The following PCDHGA3 variants were observed in gnomAD, a reference collection of about 807,000 sequenced individuals.
PCDHGA3 encodes the protein protocadherin gamma-A3.
Under a neutral mutation model 58.5 loss-of-function variants are expected in PCDHGA3, and 40 were observed. The observed-to-expected ratio is 0.68, with a 90% confidence interval of 0.53 to 0.89. PCDHGA3 has a LOEUF of 0.89. PCDHGA3 is among the 40% of genes least tolerant of loss of function. The pLI, the probability that PCDHGA3 is intolerant of heterozygous loss-of-function variation, is 0.00. For synonymous variants in PCDHGA3, 530 were observed against 525.7 expected (o/e 1.01, Z -0.11); for missense variants, 1,223 against 1,195.9 (o/e 1.02, Z -0.33).
Position 141,368,993 on chromosome 5 carries a change from G to A in PCDHGA3, c.2424+22536G>A, listed in dbSNP as rs968608216. Among the ~76,000 whole-genome samples, 4 of 152,098 alleles carry A rather than the reference G, an allele frequency of 2.6e-5. No homozygotes were observed. The East Asian group carries it at 5.8e-4, about 22-fold the overall frequency. Reference sequence around the variant, plus strand: ...TGCTTTTCCACTATAAGGTGAATTCGGTGTGGAACTCATTGCTTATTGCTG... The same window carrying A: ...TGCTTTTCCACTATAAGGTGAATTCAGTGTGGAACTCATTGCTTATTGCTG... On this transcript the variant is annotated intron_variant, in intron 1 of 3. Transcript: ENST00000253812.
intron 1 of PCDHGA3, chr5:141,422,576 CTCCCGTTTT>C: frequency 6.2e-7 from 1 of 1,614,034 alleles, no homozygotes; most frequent in African/African-American, 1.3e-5. Context: ...AACGATAACC[CTCCCGTTTT>C]TCCTCACTCC....
intron 1 of PCDHGA3, chr5:141,364,604 C>A (rs370007558): frequency 1.9e-6 from 3 of 1,614,162 alleles, no homozygotes; most frequent in Non-Finnish European, 2.5e-6. Context: ...CAGGATAGAC[C>A]GGGAGGAGCT....
chr5:141,402,770 G>A (rs1381501918), intron 1 of PCDHGA3, among the ~76,000 whole-genome samples: 1 of 152,154 alleles, frequency 6.6e-6, no homozygotes, highest in Non-Finnish European at 1.5e-5. Context: ...GACTCCATCC[G>A]GATTTCCAGT....
intron 1 of PCDHGA3, chr5:141,412,954 C>A (rs2095592297): frequency 2.1e-6 from 1 of 482,442 alleles, no homozygotes; most frequent in Non-Finnish European, 3.6e-6. Flanking sequence ...CGCCGCTGTT[C>A]ACCTACTAGG....
chr5:141,470,742 G>T (rs2099238719), intron 1 of PCDHGA3, among the ~76,000 whole-genome samples: 1 of 152,066 alleles, frequency 6.6e-6, no homozygotes, highest in African/African-American at 2.4e-5. Flanking sequence ...CTGTCGCCCT[G>T]GCTGGAGTGC....
chr5:141,352,600 T>G (rs776882485), intron 1 of PCDHGA3: 31 of 1,613,700 alleles, frequency 1.9e-5, no homozygotes, highest in Non-Finnish European at 2.5e-5. Flanking sequence ...TGTGTGATGA[T>G]CCTTCTATGG....
intron 1 of PCDHGA3, chr5:141,426,739 GC>G (rs1345744337): frequency 8.8e-6 from 4 of 453,408 alleles, no homozygotes; most frequent in Non-Finnish European, 1.8e-5. Flanking sequence ...ATTCGGTTTG[GC>G]CTGGAATCTG....
rs570379716 is a variant in PCDHGA3 at position 141,452,090 on chromosome 5, G to A, written c.2425-42717G>A. Among the ~76,000 whole-genome samples, 3 of 152,256 alleles carry A rather than the reference G, an allele frequency of 2.0e-5. No individual in the cohort carries two copies. The South Asian group carries it at 6.2e-4, about 32-fold the overall frequency. On this transcript the variant is annotated intron_variant, in intron 1 of 3. Coordinates refer to ENST00000253812, the MANE Select transcript of PCDHGA3 (RefSeq NM_018916.4). The stretch of plus-strand genomic sequence containing the variant: ...TTTATTAGTTGGCATTATACAGTAA[G>A]AAAGAGCTTTCTTTTCTCTTCTTAT...
intron 1 of PCDHGA3, chr5:141,364,103 C>G: frequency 2.4e-6 from 1 of 411,126 alleles, no homozygotes; most frequent in East Asian, 3.6e-5. Flanking sequence ...GATGCAGTCA[C>G]TGGTTAGGAC....
intron 1 of PCDHGA3, chr5:141,404,914 C>T (rs1423848318): frequency 1.2e-6 from 2 of 1,613,948 alleles, no homozygotes; most frequent in Non-Finnish European, 1.7e-6. Flanking sequence ...AGCCCCCTCT[C>T]TCGGCCACTG....
intron 1 of PCDHGA3, among the ~76,000 whole-genome samples, chr5:141,454,170 G>A (rs2098782662): frequency 6.6e-6 from 1 of 152,162 alleles, no homozygotes; most frequent in Admixed American, 6.5e-5. Context: ...TCTCTAGAAG[G>A]GCAGCTAAAG....
chr5:141,509,550 T>C (rs1562240751), intron 3 of PCDHGA3, among the ~76,000 whole-genome samples: 1 of 152,142 alleles, frequency 6.6e-6, no homozygotes, highest in Non-Finnish European at 1.5e-5. Flanking sequence ...TCTCATTTAG[T>C]CCTCACAGCA....
In PCDHGA3 at chr5:141,458,391, C is replaced by G. The variant is rs534396279; in HGVS notation, c.2425-36416C>G. 5.9e-5 allele frequency among the ~76,000 whole-genome samples: 9 copies of G among 152,126 alleles called. No homozygotes were observed. In the South Asian group the frequency reaches 1.0e-3, roughly 18 times the overall value. ...GGAGAAGAGAGAAGGAAGACGCTCCCCCTTGCAGAGACGGAGCGGGGGTTC... is the reference window on the plus strand; with the variant it reads ...GGAGAAGAGAGAAGGAAGACGCTCCGCCTTGCAGAGACGGAGCGGGGGTTC... On this transcript the variant is annotated intron_variant, in intron 1 of 3. Coordinates refer to ENST00000253812, the MANE Select transcript of PCDHGA3 (RefSeq NM_018916.4).
At chr5:141,370,997 C>G in intron 1 of PCDHGA3, 5 of 1,613,984 alleles carry the variant, frequency 3.1e-6, no homozygotes, top group Non-Finnish European at 4.2e-6. Context: ...CACCCCTGGA[C>G]AGGGAAGAGC....
At chr5:141,427,712 C>CCTGG (rs1319672065) in intron 1 of PCDHGA3, 7 of 1,051,350 alleles carry the variant, frequency 6.7e-6, no homozygotes, top group Non-Finnish European at 1.0e-5. Context: ...GCGCCTCTGA[C>CCTGG]CTGGACCTAG....
In PCDHGA3 at chr5:141,419,475, C is replaced by T. The variant is rs775720158; in HGVS notation, c.2424+73018C>T. On this transcript the variant is annotated intron_variant, in intron 1 of 3. Coordinates refer to ENST00000253812, the MANE Select transcript of PCDHGA3 (RefSeq NM_018916.4). Reference sequence around the variant, plus strand: ...ACGCTGCAGGCCCGCGACCAGGGCTCGCCCGCGCTCAGCGCCAATGTGAGC... The same window carrying T: ...ACGCTGCAGGCCCGCGACCAGGGCTTGCCCGCGCTCAGCGCCAATGTGAGC... The T allele has an allele frequency of 4.6e-5, 74 of 1,612,266 alleles. No homozygotes were observed. The highest frequency in any genetic ancestry group is 5.9e-5 in the Non-Finnish European group (70 of 1,179,514).
intron 1 of PCDHGA3, chr5:141,403,562 G>A (rs2094421705): frequency 6.2e-7 from 1 of 1,613,980 alleles, no homozygotes; most frequent in Non-Finnish European, 8.5e-7. Context: ...GGACAGGGAG[G>A]AGGCAACTGC....
At chr5:141,497,212 G>T (rs968445663) in intron 2 of PCDHGA3, among the ~76,000 whole-genome samples, 3 of 150,900 alleles carry the variant, frequency 2.0e-5, no homozygotes, top group Non-Finnish European at 3.0e-5. Context: ...AGTGTAATGG[G>T]GGGGGGAAGA....
Position 141,397,950 on chromosome 5 carries a change from G to T in PCDHGA3, c.2424+51493G>T, listed in dbSNP as rs142142786. 7.7e-4 allele frequency: 722 copies of T among 938,408 alleles called. 6 individuals carry two copies. The African/African-American group carries it at 0.01, about 13-fold the overall frequency. 58.1% of individuals were successfully genotyped at this position (938,408 alleles called of 1,614,324 possible). A position where few individuals can be genotyped will look rare whatever the true frequency, so the allele number is the denominator to read the frequency against. On this transcript the variant is annotated intron_variant, in intron 1 of 3. Transcript: ENST00000253812. ...CAGCCGCAGCGCGCTTTCCAGGGCA[G>T]CCCCAGCTCAGACTCCCCAGCGCCG... is the stretch of plus-strand genomic sequence containing the variant.
Sources: allele counts gnomAD v4.1 joint callset (sites outside exome capture counted in the v4.1 genomes callset), GRCh38; gene constraint gnomAD v4.1.1; transcripts MANE v1.5; gene names NCBI Gene and HGNC (gene_info 2026-07-23, HGNC 2026-07-21).